The following UMAD1 variants were observed in gnomAD, a reference collection of about 807,000 sequenced individuals.
The protein encoded by UMAD1 is UBAP1-MVB12-associated (UMA) domain containing 1.
A neutral mutation model predicts 6.1 loss-of-function variants in UMAD1; 8 were observed. That is an observed-to-expected ratio of 1.30 (90% CI 0.76 to 2.35). UMAD1 has a LOEUF of 2.35. Among genes scored for constraint, UMAD1 ranks in the 30% most tolerant of loss-of-function variants. UMAD1 has a pLI of 0.00. For synonymous variants in UMAD1, 56 were observed against 31.4 expected, an observed-to-expected ratio of 1.78 and a Z score of -2.61; for missense variants, 130 against 78.4, an observed-to-expected ratio of 1.66 and a Z score of -2.49.
At chr7:7,742,061 A>G in intron 2 of UMAD1, 1 of 554,260 alleles carries the variant, frequency 1.8e-6, no homozygotes, top group Admixed American at 1.9e-5. Flanking sequence ...AGGGCTTGGT[A>G]CATCATAGAT....
chr7:7,749,811 G>T (rs1541551), intron 2 of UMAD1, among the ~76,000 whole-genome samples: 27,600 of 151,898 alleles, frequency 0.18, 4,422 homozygotes, highest in African/African-American at 0.44. Flanking sequence ...TAAGATAAGA[G>T]TATTATTTTC....
chr7:7,717,283 C>G (rs1423857207), intron 2 of UMAD1, among the ~76,000 whole-genome samples: 2 of 152,098 alleles, frequency 1.3e-5, no homozygotes, highest in African/African-American at 2.4e-5. Flanking sequence ...TCTCGAACTC[C>G]TGACCCCAAG....
intron 1 of UMAD1, among the ~76,000 whole-genome samples, chr7:7,644,883 C>G (rs1785060640): frequency 6.6e-6 from 1 of 152,176 alleles, no homozygotes. Context: ...CAAAATTGCA[C>G]TGTATCCTTG....
intron 2 of UMAD1, among the ~76,000 whole-genome samples, chr7:7,720,219 CAA>C (rs999629685): frequency 6.6e-6 from 1 of 152,004 alleles, no homozygotes; most frequent in African/African-American, 2.4e-5. Context: ...ATAAAGGACA[CAA>C]GAGCATTAAA....
chr7:7,731,662 A>G (rs1781261585), intron 2 of UMAD1, among the ~76,000 whole-genome samples: 1 of 152,198 alleles, frequency 6.6e-6, no homozygotes, highest in Admixed American at 6.5e-5. Context: ...TGCCGCAATA[A>G]AAGAGAGTTT....
At chr7:7,855,327 G>A (rs1019327755) in intron 3 of UMAD1, among the ~76,000 whole-genome samples, 1 of 152,236 alleles carries the variant, frequency 6.6e-6, no homozygotes, top group African/African-American at 2.4e-5. Flanking sequence ...GGTTCTCCAT[G>A]AGGGCTCCAC....
intron 3 of UMAD1, among the ~76,000 whole-genome samples, chr7:7,848,566 A>G (rs1163922314): frequency 6.6e-6 from 1 of 152,188 alleles, no homozygotes; most frequent in African/African-American, 2.4e-5. Context: ...GATATGCCAA[A>G]TCAAGCTTAC....
chr7:7,800,365 A>G (rs1468414741), intron 2 of UMAD1, among the ~76,000 whole-genome samples: 1 of 152,274 alleles, frequency 6.6e-6, no homozygotes, highest in Non-Finnish European at 1.5e-5. Flanking sequence ...TCTTAAATAT[A>G]TAAGCTACCA....
intron 3 of UMAD1, among the ~76,000 whole-genome samples, chr7:7,826,397 C>T (rs1408518260): frequency 6.6e-6 from 1 of 152,094 alleles, no homozygotes; most frequent in Non-Finnish European, 1.5e-5. Context: ...TCACAAATGA[C>T]AAGCACTTGA....
intron 2 of UMAD1, among the ~76,000 whole-genome samples, chr7:7,712,434 A>G (rs1583764137): frequency 6.6e-6 from 1 of 152,122 alleles, no homozygotes; most frequent in Non-Finnish European, 1.5e-5. Flanking sequence ...TGCTTTTGTC[A>G]GATTTATTCT....
chr7:7,876,500 GTAAATAAATTTCAGTTTATTATCCA>G (rs1784422545), intron 3 of UMAD1, among the ~76,000 whole-genome samples: 2 of 152,116 alleles, frequency 1.3e-5, no homozygotes, highest in African/African-American at 4.8e-5. Context: ...CTTCATTGCT[GTAAATAAATTTCAGTTTATTATCCA>G]TTCTTCTATT....
chr7:7,716,721 G>A (rs993039615), intron 2 of UMAD1, among the ~76,000 whole-genome samples: 1 of 152,196 alleles, frequency 6.6e-6, no homozygotes, highest in Non-Finnish European at 1.5e-5. Flanking sequence ...CGAGGCAGGC[G>A]GATCACGAGG....
chr7:7,787,824 A>T (rs980690821), intron 2 of UMAD1, among the ~76,000 whole-genome samples: 2 of 152,208 alleles, frequency 1.3e-5, no homozygotes, highest in Admixed American at 1.3e-4. Context: ...CATTAGGGTT[A>T]TGATTGTAGA....
intron 2 of UMAD1, among the ~76,000 whole-genome samples, chr7:7,728,845 A>G (rs975185239): frequency 1.2e-4 from 19 of 152,142 alleles, no homozygotes; most frequent in African/African-American, 4.6e-4. Context: ...CAATATTTAT[A>G]GTGGGCCTAC....
At chr7:7,741,878 T>TA (rs370773447) in intron 2 of UMAD1, 2 of 208,606 alleles carry the variant, frequency 9.6e-6, no homozygotes, top group African/African-American at 4.7e-5. Context: ...AATGAAAAAA[T>TA]AAAGTCATTT....
In UMAD1 at chr7:7,753,249, CT is replaced by C. The variant is rs377085583; in HGVS notation, c.83-48420del. Reference sequence around the variant, plus strand: ...TCACAGAAAATGAGGTATCCATCCTCTCAAGCATTTATCCTTTGTGTTACGA... The same window carrying C: ...TCACAGAAAATGAGGTATCCATCCTCCAAGCATTTATCCTTTGTGTTACGA... On this transcript the variant is annotated intron_variant, in intron 2 of 3. Coordinates refer to ENST00000682710, the MANE Select transcript of UMAD1 (RefSeq NM_001302348.2). 3.4e-3 allele frequency among the ~76,000 whole-genome samples: 516 copies of C among 152,270 alleles called. 2 individuals are homozygous for C. The highest frequency in any genetic ancestry group is 0.012 in the African/African-American group (499 of 41,566).
At chr7:7,811,584 T>A (rs571784630) in intron 3 of UMAD1, among the ~76,000 whole-genome samples, 1 of 152,330 alleles carries the variant, frequency 6.6e-6, no homozygotes, top group South Asian at 2.1e-4. Flanking sequence ...GTGCAATGTT[T>A]GAGCGCCCTC....
intron 2 of UMAD1, among the ~76,000 whole-genome samples, chr7:7,677,939 C>G (rs1779790455): frequency 6.6e-6 from 1 of 151,996 alleles, no homozygotes; most frequent in South Asian, 2.1e-4. Flanking sequence ...TCCCAAAGTG[C>G]TGGGATTACA....
In UMAD1 at chr7:7,709,247, G is replaced by A. The variant is rs572031796; in HGVS notation, c.82+35794G>A. ...TATGTGTGAATAATGTTATGCATGG[G>A]GTTACTTTTAATATGGATTTAACTG... On this transcript the variant is annotated intron_variant, in intron 2 of 3. Coordinates refer to ENST00000682710, the MANE Select transcript of UMAD1 (RefSeq NM_001302348.2). Among the ~76,000 whole-genome samples, 10 of 152,214 alleles carry A rather than the reference G, an allele frequency of 6.6e-5. 1 individual carries two copies. Among genetic ancestry groups the A allele is most frequent in the African/African-American group, 2.4e-4 (10 of 41,540 alleles).
Sources: allele counts gnomAD v4.1 joint callset (sites outside exome capture counted in the v4.1 genomes callset), GRCh38; gene constraint gnomAD v4.1.1; transcripts MANE v1.5; gene names NCBI Gene and HGNC (gene_info 2026-07-23, HGNC 2026-07-21).